Variants in WDR62 observed in about 807,000 individuals in gnomAD.
WDR62 encodes WD repeat domain 62, also known as WD repeat-containing protein 62.
WDR62 carries 112 observed loss-of-function variants against 160.6 expected under a neutral mutation model. The observed-to-expected ratio is 0.70, with a 90% CI of 0.60 to 0.82. WDR62 has a LOEUF of 0.82. WDR62 is among the 40% of genes least tolerant of loss of function. The pLI, the probability that WDR62 is intolerant of heterozygous loss-of-function variation, is 0.00. For missense variants in WDR62, 1,819 were observed against 1,983.8 expected, an observed-to-expected ratio of 0.92 and a Z score of 1.58; for synonymous variants, 792 against 815.1, an observed-to-expected ratio of 0.97 and a Z score of 0.48.
Position 36,083,149 on chromosome 19 carries a change from G to A in WDR62, c.1458G>A (p.Gly486=), listed in dbSNP as rs1339231912. 1.2e-6 allele frequency: 2 copies of A among 1,613,382 alleles called. No individual in the cohort carries two copies. Among genetic ancestry groups the A allele is most frequent in the Admixed American group, 1.7e-5 (1 of 59,922 alleles). The part of the protein sequence containing the change: ...SHFPDRGSEN[G]TPMDVKAGVR... The stretch of plus-strand genomic sequence containing the variant: ...TCCCAGACCGGGGGAGCGAGAATGG[G>A]ACACCCATGGACGTGAAAGCCGGGG... The change falls in exon 11 of 32, where the codon GGG becomes GGA. Residue 486 remains glycine, a synonymous_variant. Transcript: ENST00000401500.
intron 13 of WDR62, 150 bp downstream of exon 13, chr19:36,086,962 A>G: frequency 4.0e-6 from 5 of 1,247,728 alleles, no homozygotes; most frequent in Non-Finnish European, 5.5e-6. Flanking sequence ...GGCCGGGTGT[A>G]ATGGCTCACA....
chr19:36,076,703 G>A (rs1214233740), intron 9 of WDR62, among the ~76,000 whole-genome samples: 2 of 152,048 alleles, frequency 1.3e-5, no homozygotes, highest in African/African-American at 2.4e-5. Context: ...AGGACACAGG[G>A]GATGGTGGAA....
rs763004568 is a variant in WDR62, at chr19:36,103,017, C to A, written c.3405C>A (p.Asp1135Glu). ...AGTCTCCAGAGGTCAAGCTCATGGACCGAGGCGGAAGCCAGCCCAGAGCAG... is the reference window on the plus strand; with the variant it reads ...AGTCTCCAGAGGTCAAGCTCATGGAACGAGGCGGAAGCCAGCCCAGAGCAG... ...LVKSPEVKLM[D>E]RGGSQPRAGT... Residue 1135 changes from aspartate to glutamate, a missense_variant, in exon 28 of 32, where the codon GAC becomes GAA. Transcript: ENST00000401500. 6.2e-7 allele frequency: 1 copy of A among 1,614,150 alleles called. No homozygotes were observed. Among genetic ancestry groups the A allele is most frequent in the Non-Finnish European group, 8.5e-7 (1 of 1,180,032 alleles).
At chr19:36,086,927 G>T in intron 13 of WDR62, 115 bp downstream of exon 13, 1 of 1,396,038 alleles carries the variant, frequency 7.2e-7, no homozygotes, top group African/African-American at 1.4e-5. Flanking sequence ...CAGTATCTGT[G>T]TACAGTATAC....
chr19:36,084,473 C>G (rs1972085740), intron 11 of WDR62, among the ~76,000 whole-genome samples, 180 bp from the exon 12 acceptor site: 1 of 152,120 alleles, frequency 6.6e-6, no homozygotes, highest in African/African-American at 2.4e-5. Context: ...CCTGGTTCAA[C>G]ACGGCTCCCT....
chr19:36,091,787 G>T (rs1253647746), intron 18 of WDR62, among the ~76,000 whole-genome samples: 2 of 152,002 alleles, frequency 1.3e-5, no homozygotes, highest in African/African-American at 4.8e-5. Context: ...TACTCAGGAG[G>T]GGGAAGATGG....
intron 2 of WDR62, 129 bp from the exon 3 acceptor site, chr19:36,059,839 G>C (rs1416374277): frequency 6.6e-6 from 6 of 908,768 alleles, no homozygotes; most frequent in African/African-American, 6.5e-5. Flanking sequence ...CCTGGAGGAG[G>C]GGGAGGAGGA....
At chr19:36,064,249 G>A (rs1241618181) in intron 3 of WDR62, among the ~76,000 whole-genome samples, 2 of 152,158 alleles carry the variant, frequency 1.3e-5, no homozygotes, top group Non-Finnish European at 2.9e-5. Flanking sequence ...CAGCCCAGGG[G>A]CTGTGTCTCT....
chr19:36,089,292 G>T lies in WDR62; in HGVS notation c.1944G>T (p.Gln648His). ...ITQKYVAVAC[Q>H]DRNVRVYNTV... The stretch of plus-strand genomic sequence containing the variant: ...AGAAGTACGTGGCCGTGGCCTGCCA[G>T]GACCGCAATGTGAGGTAAGGGGTGG... The change falls in exon 15 of 32, where the codon CAG (glutamine) becomes CAT (histidine). Residue 648 changes from glutamine to histidine, a missense_variant. Gln to His is a conservative substitution (Grantham distance 24). This residue lies in a region of WDR62 where 934 missense variants were observed against 1,157.2 expected (regional missense o/e 0.81). Transcript: ENST00000401500. The T allele has an allele frequency of 6.2e-7, 1 of 1,614,228 alleles. No individual in the cohort carries two copies. The highest frequency in any genetic ancestry group is 8.5e-7 in the Non-Finnish European group (1 of 1,180,036).
chr19:36,064,457 T>G (rs1156445279), intron 3 of WDR62, among the ~76,000 whole-genome samples: 1 of 151,452 alleles, frequency 6.6e-6, no homozygotes, highest in East Asian at 1.9e-4. Flanking sequence ...GTTTTTGTAT[T>G]TTTAGTATAG....
chr19:36,104,529 C>T lies in WDR62; in HGVS notation c.4165C>T (p.Leu1389=). The change falls in exon 31 of 32, where the codon CTG becomes TTG. Residue 1389 remains leucine (L), a synonymous_variant. Transcript: ENST00000401500. ...TCTCTCTACCCCAGGTGCACTTGGT[C>T]TGTTACAGGGCAGCCCTGCCCGCTG... is the stretch of plus-strand genomic sequence containing the variant. ...LLEPTSGALG[L]LQGSPARWSE... The T allele has an allele frequency of 1.9e-6, 3 of 1,613,832 alleles. No homozygotes were observed. The highest frequency in any genetic ancestry group is 2.5e-6 in the Non-Finnish European group (3 of 1,179,958).
In WDR62 at chr19:36,091,397, TG is replaced by T; in HGVS notation, c.2147-4del. On this transcript the variant is annotated splice_polypyrimidine_tract_variant and splice_region_variant and intron_variant, in intron 17 of 31. Transcript: ENST00000401500. ...GCAAGTGCAGCCTCTCTGCTTTGTT[TG>T]CAGAAATTATTACCAGCATGAAGTT... The T allele has an allele frequency of 1.2e-6, 2 of 1,614,194 alleles. No individual in the cohort carries two copies. Among genetic ancestry groups the T allele is most frequent in the Non-Finnish European group, 1.7e-6 (2 of 1,180,024 alleles).
chr19:36,097,430 C>T (rs1233419928), intron 21 of WDR62, among the ~76,000 whole-genome samples: 1 of 152,180 alleles, frequency 6.6e-6, no homozygotes, highest in Non-Finnish European at 1.5e-5. Flanking sequence ...GAAAATACGT[C>T]AGCCAGGTGC....
chr19:36,082,642 G>T (rs1971966541), intron 10 of WDR62, among the ~76,000 whole-genome samples: 1 of 152,194 alleles, frequency 6.6e-6, no homozygotes, highest in Admixed American at 6.5e-5. Context: ...AGAGGTAAAA[G>T]TTAGGTTTCT....
chr19:36,105,135 T>A, downstream of WDR62: 1 of 1,414,226 alleles, frequency 7.1e-7, no homozygotes, highest in Non-Finnish European at 9.5e-7. Context: ...TTTGGGCCTA[T>A]CCACAAAGCC....
chr19:36,066,204 C>G, intron 4 of WDR62, 53 bp from the exon 5 acceptor site: 1 of 1,612,564 alleles, frequency 6.2e-7, no homozygotes, highest in Non-Finnish European at 8.5e-7. Context: ...TGACAACCCT[C>G]TAGCCCTGCC....
chr19:36,055,241 C>G (rs1013506121), intron 1 of WDR62, 93 bp downstream of exon 1: 6 of 1,413,232 alleles, frequency 4.2e-6, no homozygotes, highest in East Asian at 2.5e-5. Flanking sequence ...CATCAGCCCC[C>G]GGCCAGTCCC....
At chr19:36,105,460 C>G (rs1035991457), downstream of WDR62, among the ~76,000 whole-genome samples, 1 of 151,918 alleles carries the variant, frequency 6.6e-6, no homozygotes, top group South Asian at 2.1e-4. Context: ...CATATCATGG[C>G]TCAGGGCCTC....
intron 9 of WDR62, among the ~76,000 whole-genome samples, chr19:36,078,009 C>T (rs1190045743): frequency 6.6e-6 from 1 of 152,158 alleles, no homozygotes; most frequent in African/African-American, 2.4e-5. Flanking sequence ...GCACTTCATG[C>T]CTTTTTATGG....
Sources: gnomAD v4.1 joint callset for allele counts (sites outside exome capture counted in the v4.1 genomes callset) on GRCh38, gnomAD v4.1.1 for gene constraint, gnomAD v4.1.1 regional missense constraint, MANE v1.5 for transcripts, NCBI Gene and HGNC (gene_info 2026-07-23, HGNC 2026-07-21) for gene names.